The following CSMD1 variants were observed in gnomAD, a reference collection of about 807,000 sequenced individuals.
The protein encoded by CSMD1 is CUB and sushi domain-containing protein 1.
Under a neutral mutation model 417.5 loss-of-function variants are expected in CSMD1, and 213 were observed. The ratio of observed to expected loss-of-function variants is 0.51; its 90% CI spans 0.46 to 0.57. The LOEUF is 0.57. CSMD1 is among the 20% of genes least tolerant of loss of function. The pLI is 0.00. For missense variants in CSMD1, 6,923 were observed against 4,529.7 expected, an observed-to-expected ratio of 1.53 and a Z score of -15.17; for synonymous variants, 2,862 against 1,736.8, an observed-to-expected ratio of 1.65 and a Z score of -16.11.
chr8:4,606,715 A>G (rs1200284649), intron 2 of CSMD1, among the ~76,000 whole-genome samples: 1 of 152,218 alleles, frequency 6.6e-6, no homozygotes, highest in Non-Finnish European at 1.5e-5. Flanking sequence ...TCTATCCTCC[A>G]GTTTGATAAA....
At chr8:3,205,356 G>C (rs1659597753) in intron 31 of CSMD1, 148 bp downstream of exon 31, 2 of 562,232 alleles carry the variant, frequency 3.6e-6, no homozygotes, top group South Asian at 4.3e-5. Flanking sequence ...TGCAGGATAT[G>C]TTTGGAAGGC....
intron 42 of CSMD1, among the ~76,000 whole-genome samples, chr8:3,112,718 G>GAGATATT (rs1816594625): frequency 6.6e-6 from 1 of 152,192 alleles, no homozygotes; most frequent in African/African-American, 2.4e-5. Context: ...GTGATGAAGA[G>GAGATATT]AGATATTAAG....
rs112854574 is a variant in CSMD1, at chr8:4,121,154, G to C, written c.416-89055C>G. On this transcript the variant is annotated intron_variant, in intron 3 of 69. Coordinates refer to ENST00000635120, the MANE Select transcript of CSMD1 (RefSeq NM_033225.6). ...TTTTTGGGCAGAGTCTCACTCTGTT[G>C]TCCAGGCTGGAGTGCAATGGCACGA... 7.1e-3 allele frequency among the ~76,000 whole-genome samples: 1,070 copies of C among 151,722 alleles called. 12 individuals are homozygous for C. The highest frequency in any genetic ancestry group is 0.025 in the African/African-American group (1,030 of 41,358).
intron 11 of CSMD1, among the ~76,000 whole-genome samples, chr8:3,473,931 G>T (rs544933299): frequency 6.6e-6 from 1 of 152,142 alleles, no homozygotes; most frequent in Non-Finnish European, 1.5e-5. Flanking sequence ...ATGGCAGGAG[G>T]AGAGAGCATG....
chr8:4,642,386 C>T (rs1042992468), intron 1 of CSMD1, among the ~76,000 whole-genome samples: 1 of 152,158 alleles, frequency 6.6e-6, no homozygotes, highest in Non-Finnish European at 1.5e-5. Context: ...CTCTGAACAC[C>T]CCCCTACAGT....
intron 23 of CSMD1, among the ~76,000 whole-genome samples, chr8:3,310,041 C>G (rs372826830): frequency 5.9e-5 from 9 of 152,248 alleles, no homozygotes; most frequent in African/African-American, 2.2e-4. Flanking sequence ...GCCTGGAATT[C>G]AAGAACAGAA....
At chr8:4,722,181 G>T (rs1193130955) in intron 1 of CSMD1, among the ~76,000 whole-genome samples, 1 of 152,072 alleles carries the variant, frequency 6.6e-6, no homozygotes, top group Non-Finnish European at 1.5e-5. Context: ...ACACACACAT[G>T]CTGACTATGG....
intron 52 of CSMD1, among the ~76,000 whole-genome samples, chr8:3,010,483 A>T (rs1011237327): frequency 1.3e-5 from 2 of 152,112 alleles, no homozygotes; most frequent in African/African-American, 4.8e-5. Context: ...GCGGCCGTCG[A>T]GAGTTCGACC....
rs532494408 is a variant in CSMD1, at chr8:3,995,786, C to A, written c.818+2117G>T. Among the ~76,000 whole-genome samples, 8 of 152,258 alleles carry A rather than the reference C, an allele frequency of 5.3e-5. No homozygotes were observed. In the South Asian group the frequency reaches 1.7e-3, roughly 32 times the overall value. ...ATACAAGTATAAATACAACTCTATC[C>A]CCGGCTAATCATGGCTATTTGAAGA... On this transcript the variant is annotated intron_variant, in intron 5 of 69. Coordinates refer to ENST00000635120, the MANE Select transcript of CSMD1 (RefSeq NM_033225.6).
At chr8:4,442,996 T>A (rs1035765057) in intron 2 of CSMD1, among the ~76,000 whole-genome samples, 2 of 152,150 alleles carry the variant, frequency 1.3e-5, no homozygotes, top group African/African-American at 4.8e-5. Context: ...CTTTAACTCT[T>A]CCATCTCCCA....
At chr8:3,313,472 A>C (rs1196377046) in intron 23 of CSMD1, among the ~76,000 whole-genome samples, 1 of 152,244 alleles carries the variant, frequency 6.6e-6, no homozygotes, top group East Asian at 1.9e-4. Flanking sequence ...GACACCTCTC[A>C]AAAGATGACA....
intron 5 of CSMD1, among the ~76,000 whole-genome samples, chr8:3,884,466 T>A (rs1806418083): frequency 6.6e-6 from 1 of 152,174 alleles, no homozygotes; most frequent in Non-Finnish European, 1.5e-5. Flanking sequence ...ACTGCCAGCC[T>A]GAGCAGGGCC....
chr8:3,898,757 T>C (rs576359063), intron 5 of CSMD1, among the ~76,000 whole-genome samples: 8 of 152,292 alleles, frequency 5.3e-5, no homozygotes, highest in East Asian at 1.9e-4. Flanking sequence ...TGAACCACTG[T>C]ATATATATTT....
intron 49 of CSMD1, among the ~76,000 whole-genome samples, chr8:3,056,257 T>C (rs17079194): frequency 0.04 from 6,087 of 152,306 alleles, 406 homozygotes; most frequent in African/African-American, 0.14. Context: ...ACGTCCAGTG[T>C]TGTCTGAACC....
At chr8:3,098,075 C>G (rs1448326105) in intron 46 of CSMD1, among the ~76,000 whole-genome samples, 1 of 152,190 alleles carries the variant, frequency 6.6e-6, no homozygotes, top group Non-Finnish European at 1.5e-5. Context: ...AGTAATTTCT[C>G]TCATCACTGA....
intron 1 of CSMD1, among the ~76,000 whole-genome samples, chr8:4,881,323 A>T (rs944831196): frequency 1.3e-5 from 2 of 152,050 alleles, no homozygotes; most frequent in African/African-American, 4.8e-5. Context: ...TTTTATTTGA[A>T]TACATAATAA....
intron 2 of CSMD1, among the ~76,000 whole-genome samples, chr8:4,609,553 T>C (rs2061751): frequency 3.3e-5 from 5 of 152,308 alleles, no homozygotes; most frequent in Non-Finnish European, 5.9e-5. Context: ...CTAAACACTT[T>C]ATGTACAAAA....
intron 43 of CSMD1, 27 bp from the exon 44 acceptor site, chr8:3,108,775 G>A (rs574646289): frequency 3.2e-6 from 5 of 1,586,358 alleles, no homozygotes; most frequent in Middle Eastern, 1.7e-4. Context: ...GAGGTGGCTG[G>A]CTAAGGATAT....
chr8:4,188,807 G>A (rs537819393), intron 3 of CSMD1, among the ~76,000 whole-genome samples: 1 of 4,072 alleles, frequency 2.5e-4, no homozygotes, highest in East Asian at 3.1e-3. Flanking sequence ...TGAATATTAT[G>A]GGGGAGGATG....
Sources: gnomAD v4.1 joint callset for allele counts (sites outside exome capture counted in the v4.1 genomes callset) on GRCh38, gnomAD v4.1.1 for gene constraint, MANE v1.5 for transcripts, NCBI Gene and HGNC (gene_info 2026-07-23, HGNC 2026-07-21) for gene names.